THSD7A: variants seen among roughly 807,000 people sequenced by gnomAD.
THSD7A encodes the protein thrombospondin type 1 domain containing 7A.
A neutral mutation model predicts 231.3 loss-of-function variants in THSD7A; 96 were observed. The observed-to-expected ratio is 0.41, with a 90% confidence interval of 0.35 to 0.49. THSD7A has a LOEUF of 0.49. THSD7A is among the 20% of genes least tolerant of loss of function. The probability of loss-of-function intolerance (pLI) is 0.05; values close to 1 mark genes in which losing one functional copy is unlikely to be tolerated. For missense variants in THSD7A, 2,290 were observed against 2,070.2 expected (o/e 1.11, Z -2.06); for synonymous variants, 940 against 743.3 (o/e 1.26, Z -4.30).
At chr7:11,410,539 A>C (rs1345228404) in intron 19 of THSD7A, 1 of 152,208 alleles carries the variant, frequency 6.6e-6, no homozygotes, top group Non-Finnish European at 1.5e-5. Flanking sequence ...TGGTATGGAA[A>C]TTAGATAAAA....
chr7:11,559,935 T>C (rs1249717144), intron 4 of THSD7A, among the ~76,000 whole-genome samples: 1 of 152,192 alleles, frequency 6.6e-6, no homozygotes, highest in African/African-American at 2.4e-5. Flanking sequence ...GTATATCCCA[T>C]GGAAAACTAT....
intron 1 of THSD7A, among the ~76,000 whole-genome samples, chr7:11,690,386 T>G (rs1239742157): frequency 1.3e-5 from 2 of 151,770 alleles, no homozygotes; most frequent in African/African-American, 4.8e-5. Flanking sequence ...TTTGACAAAG[T>G]CTGCTCAGTT....
chr7:11,542,084 T>C (rs984537990), intron 5 of THSD7A, among the ~76,000 whole-genome samples: 1 of 152,234 alleles, frequency 6.6e-6, no homozygotes, highest in Non-Finnish European at 1.5e-5. Flanking sequence ...CAATGTCACA[T>C]GATTAAATTT....
chr7:11,820,296 G>T, intron 1 of THSD7A: 1 of 559,786 alleles, frequency 1.8e-6, no homozygotes, highest in South Asian at 6.6e-5. Flanking sequence ...CCTGGGCAAG[G>T]AATTCCGTAA....
At chr7:11,496,085 C>T (rs186765793) in intron 6 of THSD7A, among the ~76,000 whole-genome samples, 12,195 of 152,086 alleles carry the variant, frequency 0.08, 624 homozygotes, top group Non-Finnish European at 0.11. Context: ...TTCCTGAATT[C>T]TAATCTGAAA....
chr7:11,641,844 G>T (rs1295974376), intron 1 of THSD7A, among the ~76,000 whole-genome samples: 1 of 151,932 alleles, frequency 6.6e-6, no homozygotes, highest in Non-Finnish European at 1.5e-5. Flanking sequence ...TGCACCTTGG[G>T]TATCGCATGT....
intron 4 of THSD7A, among the ~76,000 whole-genome samples, chr7:11,554,034 C>T (rs1372174994): frequency 1.3e-5 from 2 of 151,912 alleles, no homozygotes; most frequent in African/African-American, 4.8e-5. Context: ...ACAGCTTCTA[C>T]ATATACTTTA....
intron 11 of THSD7A, among the ~76,000 whole-genome samples, chr7:11,451,295 G>A (rs1295759343): frequency 6.6e-6 from 1 of 151,944 alleles, no homozygotes; most frequent in Non-Finnish European, 1.5e-5. Flanking sequence ...TGAGACAATG[G>A]AGAAAAATTA....
chr7:11,821,398 C>A (rs1207433910), intron 1 of THSD7A: 3 of 325,028 alleles, frequency 9.2e-6, no homozygotes, highest in Non-Finnish European at 1.8e-5. Flanking sequence ...ATTTTAAAAG[C>A]CCTTTTTTTT....
chr7:11,550,271 A>G (rs1479350539), intron 4 of THSD7A, among the ~76,000 whole-genome samples: 3 of 152,200 alleles, frequency 2.0e-5, no homozygotes, highest in Admixed American at 6.5e-5. Context: ...CTAGGAACAC[A>G]GCTAACCAGG....
At chr7:11,569,474 G>A (rs747099269) in intron 4 of THSD7A, among the ~76,000 whole-genome samples, 1 of 152,122 alleles carries the variant, frequency 6.6e-6, no homozygotes, top group Non-Finnish European at 1.5e-5. Flanking sequence ...AAATCACAAT[G>A]AGAGATCATC....
In THSD7A at chr7:11,482,908, C is replaced by T. The variant is rs144769116; in HGVS notation, c.1823-926G>A. On this transcript the variant is annotated intron_variant, in intron 6 of 27. Coordinates refer to ENST00000423059, the MANE Select transcript of THSD7A (RefSeq NM_015204.3). ...GTTAATAAATGCCAAAAACAACCAA[C>T]AGAATAACCAAAACAGGGTAGGAGA... Among the ~76,000 whole-genome samples, 149 of 152,246 alleles carry T rather than the reference C, an allele frequency of 9.8e-4. 3 individuals are homozygous for T. The East Asian group carries it at 0.012, about 12-fold the overall frequency.
chr7:11,794,646 T>C (rs1404623069), intron 1 of THSD7A, among the ~76,000 whole-genome samples: 2 of 151,982 alleles, frequency 1.3e-5, no homozygotes, highest in African/African-American at 4.8e-5. Context: ...CCAGTAAGCT[T>C]TAATATCATC....
intron 4 of THSD7A, among the ~76,000 whole-genome samples, chr7:11,555,850 TTTTC>T: frequency 6.6e-6 from 1 of 151,800 alleles, no homozygotes; most frequent in East Asian, 1.9e-4. Flanking sequence ...TCTCTGGTAA[TTTTC>T]TTTGCTTTGA....
At chr7:11,816,296 G>T (rs780330611) in intron 1 of THSD7A, among the ~76,000 whole-genome samples, 1 of 152,164 alleles carries the variant, frequency 6.6e-6, no homozygotes, top group Admixed American at 6.6e-5. Flanking sequence ...ACTTAATTCA[G>T]ACTGTGAATG....
chr7:11,454,759 C>A (rs1291362491), intron 11 of THSD7A, among the ~76,000 whole-genome samples: 1 of 151,884 alleles, frequency 6.6e-6, no homozygotes, highest in Non-Finnish European at 1.5e-5. Flanking sequence ...AAATATGTAG[C>A]ATGCATTCAA....
At chr7:11,400,823 A>G (rs1404591078) in intron 23 of THSD7A, among the ~76,000 whole-genome samples, 1 of 152,156 alleles carries the variant, frequency 6.6e-6, no homozygotes, top group Admixed American at 6.5e-5. Context: ...CCTACTTGCT[A>G]CTATGTCATA....
chr7:11,518,834 C>G (rs1788146304), intron 6 of THSD7A, among the ~76,000 whole-genome samples: 1 of 152,094 alleles, frequency 6.6e-6, no homozygotes, highest in African/African-American at 2.4e-5. Flanking sequence ...ATGGCATGGA[C>G]TATAAATGAA....
At chr7:11,595,515 T>C (rs1010134853) in intron 2 of THSD7A, among the ~76,000 whole-genome samples, 6 of 152,090 alleles carry the variant, frequency 3.9e-5, no homozygotes, top group Non-Finnish European at 5.9e-5. Flanking sequence ...AGATGGCCCA[T>C]TGTGAGCGAG....
Sources: gnomAD v4.1 joint callset for allele counts (sites outside exome capture counted in the v4.1 genomes callset) on GRCh38, gnomAD v4.1.1 for gene constraint, MANE v1.5 for transcripts, NCBI Gene and HGNC (gene_info 2026-07-23, HGNC 2026-07-21) for gene names.